The following DNAJC6 variants were observed in gnomAD, a reference collection of about 807,000 sequenced individuals.
DNAJC6 encodes DnaJ heat shock protein family (Hsp40) member C6.
DNAJC6 carries 34 observed loss-of-function variants against 110.0 expected under a neutral mutation model. The ratio of observed to expected loss-of-function variants is 0.31; its 90% CI spans 0.24 to 0.41. The LOEUF (loss-of-function observed/expected upper bound fraction) is 0.41, where lower values mean the gene tolerates loss of function less well. Ranked by LOEUF, DNAJC6 falls within the 10% of genes least tolerant of loss-of-function variation. DNAJC6 has a pLI of 1.00. For synonymous variants in DNAJC6, 406 were observed against 437.2 expected (o/e 0.93, Z 0.89); for missense variants, 1,031 against 1,207.8 (o/e 0.85, Z 2.17).
At chr1:65,412,511 G>T (rs925895201) in intron 18 of DNAJC6, among the ~76,000 whole-genome samples, 19 of 152,272 alleles carry the variant, frequency 1.2e-4, no homozygotes, top group Admixed American at 1.2e-3. Context: ...AAGAGAAGGA[G>T]AAACAAGAGC....
At chr1:65,382,529 A>G (rs1645831485) in intron 5 of DNAJC6, among the ~76,000 whole-genome samples, 1 of 152,248 alleles carries the variant, frequency 6.6e-6, no homozygotes, top group Admixed American at 6.5e-5. Flanking sequence ...CTTAACAAAA[A>G]TTAATAATAT....
At chr1:65,306,880 C>T (rs1301838577), upstream of DNAJC6, among the ~76,000 whole-genome samples, 1 of 151,960 alleles carries the variant, frequency 6.6e-6, no homozygotes, top group East Asian at 1.9e-4. Flanking sequence ...AAAACTAAGA[C>T]TGCCAGGCGC....
intron 8 of DNAJC6, among the ~76,000 whole-genome samples, chr1:65,388,097 G>T (rs1645889671): frequency 6.6e-6 from 1 of 152,204 alleles, no homozygotes; most frequent in African/African-American, 2.4e-5. Context: ...GTATGCCTGT[G>T]TGCAAGAACA....
rs368299385 is a variant in DNAJC6 at position 65,392,636 on chromosome 1, C to T, written c.1674C>T (p.Gly558=). Residue 558 remains glycine, a synonymous_variant, in exon 12 of 19, where the codon GGC becomes GGT. Transcript: ENST00000371069. ...CCCCTGAGGATGTGGACCTTTTGGG[C>T]CTGGAAGGGTCTGCAATGAGTAACA... is the stretch of plus-strand genomic sequence containing the variant. The part of the protein sequence containing the change: ...PPPPEDVDLL[G]LEGSAMSNSF... 4 of 1,613,314 alleles carry T rather than the reference C, an allele frequency of 2.5e-6. No homozygotes were observed. The Admixed American group carries it at 5.0e-5, about 20-fold the overall frequency.
At chr1:65,363,394 G>T (rs984337045) in intron 1 of DNAJC6, among the ~76,000 whole-genome samples, 1 of 150,150 alleles carries the variant, frequency 6.7e-6, no homozygotes, top group African/African-American at 2.4e-5. Flanking sequence ...CTATGGCAAA[G>T]GGAGAGAGAA....
At chr1:65,358,724 C>T (rs746402894) in intron 1 of DNAJC6, among the ~76,000 whole-genome samples, 60 of 152,308 alleles carry the variant, frequency 3.9e-4, no homozygotes, top group Non-Finnish European at 7.3e-4. Context: ...ATTTTAGTAG[C>T]TAACCATATG....
intron 1 of DNAJC6, among the ~76,000 whole-genome samples, chr1:65,313,155 T>C (rs886593498): frequency 3.3e-5 from 5 of 151,936 alleles, no homozygotes; most frequent in South Asian, 2.1e-4. Flanking sequence ...TGGGCTCAAA[T>C]GACCCTCCTG....
intron 1 of DNAJC6, among the ~76,000 whole-genome samples, chr1:65,317,946 C>A: frequency 6.6e-6 from 1 of 152,172 alleles, no homozygotes; most frequent in East Asian, 1.9e-4. Flanking sequence ...GGGCTTTGGG[C>A]TAATGCACAG....
At chr1:65,285,783 G>A (rs941443759) in intron 1 of DNAJC6, among the ~76,000 whole-genome samples, 4 of 151,774 alleles carry the variant, frequency 2.6e-5, no homozygotes, top group East Asian at 3.9e-4. Flanking sequence ...AGTGATTCTC[G>A]TGCCTCAGCC....
intron 6 of DNAJC6, among the ~76,000 whole-genome samples, chr1:65,384,964 A>G (rs1645857329): frequency 6.6e-6 from 1 of 152,216 alleles, no homozygotes; most frequent in Non-Finnish European, 1.5e-5. Flanking sequence ...GGAAACTGGG[A>G]CTCAAGACAG....
At chr1:65,347,450 CA>C (rs1024833967) in intron 1 of DNAJC6, among the ~76,000 whole-genome samples, 2 of 151,780 alleles carry the variant, frequency 1.3e-5, no homozygotes, top group African/African-American at 4.8e-5. Flanking sequence ...CCTCCTCACC[CA>C]GCCATTTGGT....
intron 9 of DNAJC6, among the ~76,000 whole-genome samples, chr1:65,388,895 G>A (rs1645897221): frequency 6.6e-6 from 1 of 152,208 alleles, no homozygotes; most frequent in Admixed American, 6.5e-5. Context: ...CTAGAGCCGG[G>A]ATGGAGTTGC....
chr1:65,360,091 T>C (rs1420599290), intron 1 of DNAJC6, among the ~76,000 whole-genome samples: 1 of 152,216 alleles, frequency 6.6e-6, no homozygotes, highest in East Asian at 1.9e-4. Flanking sequence ...TCTTCTTTGT[T>C]GTGCCATATT....
intron 1 of DNAJC6, chr1:65,279,054 C>A (rs1653762928): frequency 1.0e-6 from 1 of 985,248 alleles, no homozygotes; most frequent in African/African-American, 1.7e-5. Flanking sequence ...ACCTAAGAAT[C>A]ATTTGACTGC....
chr1:65,415,112 G>C lies in DNAJC6; in HGVS notation c.*2087G>C, dbSNP rs749076570. The C allele has an allele frequency of 1.3e-5, 2 of 152,050 alleles. No homozygotes were observed. Among genetic ancestry groups the C allele is most frequent in the Non-Finnish European group, 2.9e-5 (2 of 68,036 alleles). The allele number at this position is 152,050 out of a possible 1,614,324, so 9.4% of individuals were successfully genotyped here. A position where few individuals can be genotyped will look rare whatever the true frequency, so the allele number is the denominator to read the frequency against. On this transcript the variant is annotated 3_prime_UTR_variant, in exon 19 of 19. Transcript: ENST00000371069. ...ACTCTTAATATATGCAGACCAACAGGTCTTTGCATTCCTTTTAAATAACTG... is the reference window on the plus strand; with the variant it reads ...ACTCTTAATATATGCAGACCAACAGCTCTTTGCATTCCTTTTAAATAACTG...
At chr1:65,353,783 C>T (rs556893045) in intron 1 of DNAJC6, among the ~76,000 whole-genome samples, 1 of 152,012 alleles carries the variant, frequency 6.6e-6, no homozygotes, top group Non-Finnish European at 1.5e-5. Flanking sequence ...TACAATAAAG[C>T]GCATGTTGTA....
At chr1:65,277,136 G>GT (rs541288039) in intron 1 of DNAJC6, among the ~76,000 whole-genome samples, 64 of 150,772 alleles carry the variant, frequency 4.2e-4, no homozygotes, top group Admixed American at 7.3e-4. Flanking sequence ...AAACACGTCT[G>GT]TTTTTTTTTG....
chr1:65,382,597 T>G (rs1157362710), intron 5 of DNAJC6, among the ~76,000 whole-genome samples: 1 of 152,226 alleles, frequency 6.6e-6, no homozygotes, highest in African/African-American at 2.4e-5. Context: ...AAATTAAACA[T>G]ATTTGCACAT....
intron 1 of DNAJC6, among the ~76,000 whole-genome samples, chr1:65,343,500 C>T (rs532084206): frequency 1.3e-5 from 2 of 152,244 alleles, no homozygotes; most frequent in East Asian, 3.9e-4. Context: ...CTTGCTTGGT[C>T]CTGCCTGGGA....
Sources: allele counts gnomAD v4.1 joint callset (sites outside exome capture counted in the v4.1 genomes callset), GRCh38; gene constraint gnomAD v4.1.1; transcripts MANE v1.5; gene names NCBI Gene and HGNC (gene_info 2026-07-23, HGNC 2026-07-21).